Variants in NPAS3 observed in about 807,000 individuals in gnomAD.
NPAS3 encodes the protein neuronal PAS domain-containing protein 3.
In NPAS3, 14 loss-of-function variants were observed where a neutral mutation model predicts 73.1. The observed-to-expected ratio is 0.19, with a 90% CI of 0.13 to 0.30. NPAS3 has a LOEUF of 0.30. NPAS3 is among the 10% of genes least tolerant of loss of function. The pLI, the probability that NPAS3 is intolerant of heterozygous loss-of-function variation, is 1.00. For synonymous variants in NPAS3, 620 were observed against 541.5 expected (o/e 1.14, Z -2.01); for missense variants, 1,096 against 1,250.0 (o/e 0.88, Z 1.86).
intron 4 of NPAS3, among the ~76,000 whole-genome samples, chr14:33,418,754 A>G (rs1209730718): frequency 1.3e-5 from 2 of 151,918 alleles, no homozygotes; most frequent in Non-Finnish European, 2.9e-5. Flanking sequence ...TATTTCCGCA[A>G]TCATTGATCT....
At chr14:33,751,138 G>A (rs1327565596) in intron 7 of NPAS3, among the ~76,000 whole-genome samples, 1 of 152,190 alleles carries the variant, frequency 6.6e-6, no homozygotes, top group East Asian at 1.9e-4. Flanking sequence ...AGCCCCATGG[G>A]CTAATCAGTG....
At chr14:33,196,698 A>C (rs1242723950) in intron 2 of NPAS3, among the ~76,000 whole-genome samples, 1 of 152,234 alleles carries the variant, frequency 6.6e-6, no homozygotes, top group Non-Finnish European at 1.5e-5. Flanking sequence ...TCATGTACAA[A>C]TTGTTCAAGA....
chr14:33,241,617 T>G (rs1284168644), intron 3 of NPAS3, among the ~76,000 whole-genome samples: 1 of 152,028 alleles, frequency 6.6e-6, no homozygotes, highest in African/African-American at 2.4e-5. Context: ...ATCTTGTTAG[T>G]CTAGTCTCCC....
At position 33,800,930 on chromosome 14, in the gene NPAS3, C is replaced by G; in HGVS notation, c.2623C>G (p.His875Asp). 1.2e-6 allele frequency: 2 copies of G among 1,608,056 alleles called. No homozygotes were observed. The highest frequency in any genetic ancestry group is 1.7e-6 in the Non-Finnish European group (2 of 1,177,712). The change falls in exon 12 of 12, where the codon CAC (histidine) becomes GAC (aspartate). Residue 875 changes from histidine (H) to aspartate (D), a missense_variant. Physicochemically the swap from His to Asp is moderately conservative, Grantham distance 81 (BLOSUM62 -1). Around this residue, in one of 5 missense-constraint regions of NPAS3, gnomAD observed 698 missense variants for 676.7 expected, o/e 1.03. Transcript: ENST00000356141. This position sits in a 1 kb window ranked among gnomAD's most constrained non-coding sequence, Gnocchi z 6.5. Reference sequence around the variant, plus strand: ...GACGCCCATGGAGATGCTCTACCACCACGTGCACCGGCTCAACATGTCAGG... The same window carrying G: ...GACGCCCATGGAGATGCTCTACCACGACGTGCACCGGCTCAACATGTCAGG...
At chr14:33,189,345 C>A (rs1275420482) in intron 2 of NPAS3, among the ~76,000 whole-genome samples, 1 of 152,118 alleles carries the variant, frequency 6.6e-6, no homozygotes. Flanking sequence ...CTTGTTCATA[C>A]GCTATAGGTG....
chr14:33,085,937 T>A (rs1446347851), intron 2 of NPAS3, among the ~76,000 whole-genome samples: 1 of 152,190 alleles, frequency 6.6e-6, no homozygotes, highest in Non-Finnish European at 1.5e-5. Context: ...ATTATTCACC[T>A]CATAGTGCAC....
intron 2 of NPAS3, among the ~76,000 whole-genome samples, chr14:33,180,799 CAAGAAAAAAAAAAA>C (rs1308539999): frequency 4.3e-5 from 3 of 69,366 alleles, no homozygotes; most frequent in African/African-American, 1.2e-4. Context: ...ACACTGTCTC[CAAGAAAAAAAAAAA>C]AAAAAAAAAA....
At chr14:33,369,404 C>CAAAAAAAAAAAAAAAAAAAAAAAAAAA (rs3058296) in intron 4 of NPAS3, among the ~76,000 whole-genome samples, 3 of 90,890 alleles carry the variant, frequency 3.3e-5, no homozygotes, top group Admixed American at 1.2e-4. Context: ...GCCTCATTTC[C>CAAAAAAAAAAAAAAAAAAAAAAAAAAA]AAAAAAAAAA....
At chr14:33,235,834 C>T (rs2048016210) in intron 3 of NPAS3, among the ~76,000 whole-genome samples, 2 of 65,336 alleles carry the variant, frequency 3.1e-5, no homozygotes, top group Non-Finnish European at 6.0e-5. Flanking sequence ...TTTTTTGAGA[C>T]AGGGTGTTGC....
At chr14:32,951,397 A>AT (rs1197360648) in intron 1 of NPAS3, among the ~76,000 whole-genome samples, 1 of 152,086 alleles carries the variant, frequency 6.6e-6, no homozygotes, top group Non-Finnish European at 1.5e-5. Context: ...TGTTATATAG[A>AT]TTTCAGTCCA....
chr14:33,390,285 A>G (rs1180620668), intron 4 of NPAS3, among the ~76,000 whole-genome samples: 1 of 152,128 alleles, frequency 6.6e-6, no homozygotes, highest in Non-Finnish European at 1.5e-5. Context: ...CTTTTGTCAT[A>G]AAGACAGTGG....
intron 7 of NPAS3, among the ~76,000 whole-genome samples, chr14:33,745,776 A>G (rs1426650627): frequency 6.6e-6 from 1 of 152,234 alleles, no homozygotes; most frequent in Non-Finnish European, 1.5e-5. Flanking sequence ...TATTTCTGGG[A>G]AATTTCTTCT....
chr14:33,623,931 G>A (rs989254600), intron 5 of NPAS3, among the ~76,000 whole-genome samples: 6 of 152,096 alleles, frequency 3.9e-5, no homozygotes, highest in African/African-American at 2.4e-5. Context: ...GACTCCTCAG[G>A]TACTCCTGTT....
intron 5 of NPAS3, among the ~76,000 whole-genome samples, chr14:33,663,463 T>TCC (rs1353087477): frequency 2.6e-5 from 4 of 152,216 alleles, no homozygotes; most frequent in Non-Finnish European, 5.9e-5. Flanking sequence ...CTGGATTCGG[T>TCC]TTGCCAGTAT....
At chr14:32,942,555 T>C (rs1437767170) in intron 1 of NPAS3, among the ~76,000 whole-genome samples, 1 of 152,232 alleles carries the variant, frequency 6.6e-6, no homozygotes, top group Non-Finnish European at 1.5e-5. Context: ...TATATAGCAC[T>C]ACCACAAAGT....
At chr14:33,137,251 G>A (rs1001444626) in intron 2 of NPAS3, among the ~76,000 whole-genome samples, 1 of 152,136 alleles carries the variant, frequency 6.6e-6, no homozygotes, top group Non-Finnish European at 1.5e-5. Context: ...CTAAGGGTGA[G>A]TAGTTGGACT....
chr14:33,215,073 G>T, intron 2 of NPAS3, 109 bp from the exon 3 acceptor site: 1 of 1,195,832 alleles, frequency 8.4e-7, no homozygotes, highest in East Asian at 2.3e-5. Context: ...TTTTGAAATA[G>T]TTTTTGGTAG....
At chr14:33,345,323 G>A (rs542355015) in intron 3 of NPAS3, among the ~76,000 whole-genome samples, 5 of 152,158 alleles carry the variant, frequency 3.3e-5, no homozygotes, top group Non-Finnish European at 7.4e-5. Context: ...GGTTTCAAGG[G>A]CCCAAACATC....
intron 3 of NPAS3, among the ~76,000 whole-genome samples, chr14:33,281,165 G>A (rs1053312108): frequency 5.9e-5 from 9 of 152,238 alleles, no homozygotes; most frequent in Admixed American, 1.3e-4. Flanking sequence ...TCTACACTAC[G>A]TAGGACCTTT....
Sources: gnomAD v4.1 joint callset for allele counts (sites outside exome capture counted in the v4.1 genomes callset) on GRCh38, gnomAD v4.1.1 for gene constraint, gnomAD v4.1.1 regional missense constraint, Gnocchi (gnomAD v3.1) non-coding constraint, MANE v1.5 for transcripts, NCBI Gene and HGNC (gene_info 2026-07-23, HGNC 2026-07-21) for gene names.